Variants in CHODL observed in about 807,000 individuals in gnomAD.
CHODL encodes the protein chondrolectin, also known as transmembrane protein MT75.
Under a neutral mutation model 34.5 loss-of-function variants are expected in CHODL, and 29 were observed. That is an observed-to-expected ratio of 0.84 (90% CI 0.63 to 1.15). The LOEUF (loss-of-function observed/expected upper bound fraction) is 1.15, where lower values mean the gene tolerates loss of function less well. Among genes scored for constraint, CHODL ranks in the 50% most tolerant of loss-of-function variants. CHODL has a pLI of 0.00. For missense variants in CHODL, 332 were observed against 332.5 expected, an observed-to-expected ratio of 1.00 and a Z score of 0.01; for synonymous variants, 125 against 116.1, an observed-to-expected ratio of 1.08 and a Z score of -0.49.
At chr21:17,938,475 TTTTTTTTTTTTTTTTTTTAAG>T (rs2063334658) in intron 1 of CHODL, among the ~76,000 whole-genome samples, 1 of 1,316 alleles carries the variant, frequency 7.6e-4, no homozygotes, top group Admixed American at 6.0e-3. Context: ...TTTTTTTTTT[TTTTTTTTTTTTTTTTTTTAAG>T]GAAAGGGAGT....
intron 2 of CHODL, among the ~76,000 whole-genome samples, chr21:18,085,129 T>G (rs2064990406): frequency 6.6e-6 from 1 of 152,152 alleles, no homozygotes; most frequent in Non-Finnish European, 1.5e-5. Context: ...TTTCCATTTG[T>G]GTGGAATATC....
chr21:18,190,327 A>AT (rs1242153407), intron 2 of CHODL, among the ~76,000 whole-genome samples: 3 of 152,184 alleles, frequency 2.0e-5, no homozygotes, highest in African/African-American at 7.2e-5. Flanking sequence ...TTATAGGTAG[A>AT]TTTTTTGTTG....
At chr21:18,255,430 T>C (rs1468982834) in intron 1 of CHODL, among the ~76,000 whole-genome samples, 1 of 152,080 alleles carries the variant, frequency 6.6e-6, no homozygotes, top group African/African-American at 2.4e-5. Context: ...TGTTATTTCA[T>C]ATGTGTTTAA....
rs1210670722 is a variant in CHODL at position 18,214,403 on chromosome 21, T to TAAG, written c.-44-42106_-44-42105insAAG. ...ATGCTTAGAATGGATAAGACTAGTG[T>TAAG]TTTAATTATCTTTCAATCGCTCTAG... is the stretch of plus-strand genomic sequence containing the variant. On this transcript the variant is annotated intron_variant, in intron 2 of 6. Coordinates refer to the CHODL transcript ENST00000400127. Among the ~76,000 whole-genome samples, 3 of 152,094 alleles carry TAAG rather than the reference T, an allele frequency of 2.0e-5. No homozygotes were observed. The East Asian group carries it at 5.8e-4, about 29-fold the overall frequency.
At chr21:18,202,959 C>T (rs563021536) in intron 2 of CHODL, among the ~76,000 whole-genome samples, 1 of 152,066 alleles carries the variant, frequency 6.6e-6, no homozygotes, top group Non-Finnish European at 1.5e-5. Context: ...AAAGGAAGAT[C>T]CATCTCGAAA....
intron 2 of CHODL, among the ~76,000 whole-genome samples, chr21:18,200,438 T>G (rs1413776567): frequency 1.3e-5 from 2 of 152,214 alleles, no homozygotes; most frequent in Non-Finnish European, 2.9e-5. Context: ...TACTTTTATC[T>G]GTGGAAGTCT....
intron 1 of CHODL, among the ~76,000 whole-genome samples, chr21:17,988,295 T>G (rs2063769380): frequency 6.6e-6 from 1 of 152,078 alleles, no homozygotes; most frequent in Non-Finnish European, 1.5e-5. Flanking sequence ...TTGCACAGGC[T>G]TCAAGTTTAG....
chr21:18,202,036 A>G (rs895072287), intron 2 of CHODL, among the ~76,000 whole-genome samples: 30 of 151,958 alleles, frequency 2.0e-4, no homozygotes, highest in African/African-American at 6.5e-4. Flanking sequence ...CAATCTCCTG[A>G]CCTCGTGATC....
In CHODL at chr21:18,108,869, G is replaced by C. The variant is rs1601014580; in HGVS notation, c.-45+80898G>C. Among the ~76,000 whole-genome samples, 4 of 144,378 alleles carry C rather than the reference G, an allele frequency of 2.8e-5. No homozygotes were observed. In the South Asian group the frequency reaches 8.7e-4, roughly 31 times the overall value. 94.7% of individuals were successfully genotyped at this position (144,378 alleles called of 152,430 possible). A position where few individuals can be genotyped will look rare whatever the true frequency, so the allele number is the denominator to read the frequency against. On this transcript the variant is annotated intron_variant, in intron 2 of 6. Coordinates refer to the CHODL transcript ENST00000400127. The stretch of plus-strand genomic sequence containing the variant: ...TGTGTGTGTGTGTGTGTGTGTGTGT[G>C]TGTTTCTTCTAACTTTTTCTTTCTC...
chr21:18,057,947 T>C (rs2146479164), intron 2 of CHODL, among the ~76,000 whole-genome samples: 1 of 152,240 alleles, frequency 6.6e-6, no homozygotes, highest in East Asian at 1.9e-4. Flanking sequence ...CATTATCACC[T>C]CAAATATTTA....
chr21:18,002,644 C>T (rs756673721), intron 1 of CHODL, among the ~76,000 whole-genome samples: 12 of 152,122 alleles, frequency 7.9e-5, no homozygotes, highest in Admixed American at 6.5e-5. Flanking sequence ...CATATCTCCA[C>T]CTTAGCCCTA....
chr21:18,243,268 C>T (rs1484820143), upstream of CHODL, among the ~76,000 whole-genome samples: 1 of 152,244 alleles, frequency 6.6e-6, no homozygotes, highest in African/African-American at 2.4e-5. Context: ...AGCTCTCCTA[C>T]CATGGCTATG....
At chr21:18,005,121 A>AT (rs1395716947) in intron 1 of CHODL, among the ~76,000 whole-genome samples, 2 of 152,260 alleles carry the variant, frequency 1.3e-5, no homozygotes, top group Non-Finnish European at 2.9e-5. Flanking sequence ...CTGAGAGCTC[A>AT]TAACAGAGTA....
chr21:18,078,842 T>C (rs1217136730), intron 2 of CHODL, among the ~76,000 whole-genome samples: 1 of 152,158 alleles, frequency 6.6e-6, no homozygotes, highest in Non-Finnish European at 1.5e-5. Flanking sequence ...TTTCCACAAC[T>C]CAAGAAGAAA....
chr21:18,099,630 G>A (rs1048058172), intron 2 of CHODL, among the ~76,000 whole-genome samples: 2 of 152,018 alleles, frequency 1.3e-5, no homozygotes, highest in Non-Finnish European at 2.9e-5. Flanking sequence ...TACCCATAAT[G>A]CTGAATGCTG....
intron 2 of CHODL, among the ~76,000 whole-genome samples, chr21:18,158,518 T>C (rs1469615511): frequency 6.6e-6 from 1 of 152,216 alleles, no homozygotes; most frequent in African/African-American, 2.4e-5. Context: ...TTAAGAAATA[T>C]TATTGCTGAG....
At chr21:18,235,225 C>G (rs1372506601) in intron 2 of CHODL, among the ~76,000 whole-genome samples, 3 of 151,790 alleles carry the variant, frequency 2.0e-5, no homozygotes, top group African/African-American at 2.4e-5. Context: ...GTTCTGTAGT[C>G]TAGAGTGTAA....
At chr21:18,260,936 C>A (rs2074373876) in intron 4 of CHODL, among the ~76,000 whole-genome samples, 1 of 152,142 alleles carries the variant, frequency 6.6e-6, no homozygotes, top group Non-Finnish European at 1.5e-5. Context: ...CAAATTGGCA[C>A]ATTCAGTGGA....
intron 1 of CHODL, among the ~76,000 whole-genome samples, chr21:17,985,668 T>C (rs1457317954): frequency 6.6e-6 from 1 of 152,200 alleles, no homozygotes; most frequent in African/African-American, 2.4e-5. Context: ...TACTTTCCAC[T>C]TGTCTCCCAG....
Sources: allele counts gnomAD v4.1 joint callset (sites outside exome capture counted in the v4.1 genomes callset), GRCh38; gene constraint gnomAD v4.1.1; transcripts MANE v1.5; gene names NCBI Gene and HGNC (gene_info 2026-07-23, HGNC 2026-07-21).